C19orf38: variants seen among roughly 807,000 people sequenced by gnomAD.
C19orf38 encodes protein HIDE1.
Under a neutral mutation model 26.6 loss-of-function variants are expected in C19orf38, and 14 were observed. The ratio of observed to expected loss-of-function variants is 0.53; its 90% CI spans 0.35 to 0.82. C19orf38 has a LOEUF of 0.82. C19orf38 is among the 40% of genes least tolerant of loss of function. The probability of loss-of-function intolerance (pLI) is 0.01; values close to 1 mark genes in which losing one functional copy is unlikely to be tolerated. For synonymous variants in C19orf38, 132 were observed against 128.5 expected (o/e 1.03, Z -0.18); for missense variants, 261 against 299.5 (o/e 0.87, Z 0.95).
rs1368797960 is a variant in C19orf38, at chr19:10,857,362, ATATATT to A, written c.434-952_434-947del. Among the ~76,000 whole-genome samples, 347 of 81,522 alleles carry A rather than the reference ATATATT, an allele frequency of 4.3e-3. 1 individual carries two copies. The highest frequency in any genetic ancestry group is 5.4e-3 in the Non-Finnish European group (268 of 49,380). 53.5% of individuals were successfully genotyped at this position (81,522 alleles called of 152,430 possible). ...TACATATATATATATATATATATAT[ATATATT>A]TTTTTTTTTTTTTTTTTAAGATGGA... On this transcript the variant is annotated intron_variant, in intron 3 of 6. Transcript: ENST00000397820.
At chr19:10,859,244 ATGTGTGTGTG>A (rs35791729) in intron 4 of C19orf38, among the ~76,000 whole-genome samples, 1,653 of 119,424 alleles carry the variant, frequency 0.014, 44 homozygotes, top group African/African-American at 0.05. Context: ...GCTTTTATAT[ATGTGTGTGTG>A]TGTGTGTGTG....
At chr19:10,839,608 T>C (rs1280617008) in intron 1 of C19orf38, among the ~76,000 whole-genome samples, 6 of 152,220 alleles carry the variant, frequency 3.9e-5, no homozygotes, top group Non-Finnish European at 8.8e-5. Context: ...TGTCACCATT[T>C]GTATTGAACT....
chr19:10,855,030 C>CTTTTTTTTTTTTT (rs33999724), intron 2 of C19orf38, among the ~76,000 whole-genome samples: 1 of 77,754 alleles, frequency 1.3e-5, no homozygotes, highest in African/African-American at 4.9e-5. Context: ...GATATATATT[C>CTTTTTTTTTTTTT]TTTTTTTTTT....
chr19:10,858,259 T>C, intron 3 of C19orf38, 57 bp from the exon 4 acceptor site: 1 of 559,690 alleles, frequency 1.8e-6, no homozygotes, highest in Non-Finnish European at 2.8e-6. Context: ...AAAACAGAAA[T>C]TGCCGGATAC....
At chr19:10,867,146 C>T (rs1008783517) in intron 6 of C19orf38, among the ~76,000 whole-genome samples, 4 of 151,792 alleles carry the variant, frequency 2.6e-5, no homozygotes, top group Admixed American at 1.3e-4. Flanking sequence ...CCCCGTTGTC[C>T]CTCCCCCAGC....
At position 10,869,346 on chromosome 19, in the gene C19orf38, C is replaced by T. The variant is rs1433701651; in HGVS notation, c.672C>T (p.Ser224=). 17 of 1,550,960 alleles carry T rather than the reference C, an allele frequency of 1.1e-5. No individual in the cohort carries two copies. The highest frequency in any genetic ancestry group is 1.4e-5 in the Non-Finnish European group (16 of 1,146,826). ...TSSSPETPEF[S]TFRACQ is the part of the protein sequence containing the mutation. The stretch of plus-strand genomic sequence containing the variant: ...CCTCGCCTGAGACCCCCGAATTCAG[C>T]ACTTTCCGGGCCTGCCAGTGAGGCT... Residue 224 remains serine, a synonymous_variant, in exon 7 of 7, where the codon AGC becomes AGT. Coordinates refer to ENST00000397820, the MANE Select transcript of C19orf38 (RefSeq NM_001136482.3).
At chr19:10,851,217 C>T (rs1431694592) in intron 2 of C19orf38, among the ~76,000 whole-genome samples, 4 of 152,066 alleles carry the variant, frequency 2.6e-5, no homozygotes, top group Non-Finnish European at 4.4e-5. Flanking sequence ...CCATGCCCGG[C>T]TAATTTTTGT....
Position 10,869,231 on chromosome 19 carries a change from A to C in C19orf38, c.557A>C (p.Glu186Ala). The C allele has an allele frequency of 6.4e-7, 1 of 1,551,588 alleles. No homozygotes were observed. The change falls in exon 7 of 7, where the codon GAA becomes GCA. Residue 186 changes from glutamate (E) to alanine (A), a missense_variant. Transcript: ENST00000397820. ...ACATGGACAAAGAAAACGATGCCAG[A>C]AGAAGACCCGGCCACCTTGGATGAT... ...LFTVSAKTMP[E>A]EDPATLDDHS...
At chr19:10,859,735 G>A (rs2073677378) in intron 4 of C19orf38, among the ~76,000 whole-genome samples, 180 bp from the exon 5 acceptor site, 1 of 152,040 alleles carries the variant, frequency 6.6e-6, no homozygotes. Flanking sequence ...CTGTCCCACA[G>A]TGTGACAGCT....
At chr19:10,842,211 C>T in intron 1 of C19orf38, 1 of 1,368,968 alleles carries the variant, frequency 7.3e-7, no homozygotes, top group South Asian at 1.2e-5. Context: ...TGAAAACTTT[C>T]AGTGATGACT....
At chr19:10,855,541 C>T (rs2073615847) in intron 2 of C19orf38, among the ~76,000 whole-genome samples, 1 of 151,626 alleles carries the variant, frequency 6.6e-6, no homozygotes, top group Non-Finnish European at 1.5e-5. Flanking sequence ...TTGTTTGTTT[C>T]TTTTTGAGAC....
intron 6 of C19orf38, among the ~76,000 whole-genome samples, chr19:10,867,603 G>A (rs567302876): frequency 3.5e-4 from 50 of 144,128 alleles, no homozygotes; most frequent in African/African-American, 1.2e-3. Context: ...GGCAACAAGA[G>A]CGAAACTCCA....
intron 3 of C19orf38, among the ~76,000 whole-genome samples, chr19:10,857,366 A>ATATATATATATTTT (rs1433358051): frequency 1.4e-4 from 8 of 56,080 alleles, no homozygotes; most frequent in African/African-American, 3.4e-4. Context: ...ATATATATAT[A>ATATATATATATTTT]TTTTTTTTTT....
chr19:10,849,274 G>A (rs1327600151), intron 1 of C19orf38, among the ~76,000 whole-genome samples: 1 of 152,036 alleles, frequency 6.6e-6, no homozygotes, highest in Non-Finnish European at 1.5e-5. Context: ...TCCCACCTTG[G>A]CCTCCCAAAG....
At chr19:10,860,979 C>T (rs2073692518) in intron 5 of C19orf38, among the ~76,000 whole-genome samples, 1 of 151,678 alleles carries the variant, frequency 6.6e-6, no homozygotes, top group Non-Finnish European at 1.5e-5. Flanking sequence ...CCTGTCTCTA[C>T]TGAAAATACA....
chr19:10,857,930 G>GAA (rs917568080), intron 3 of C19orf38, among the ~76,000 whole-genome samples: 7 of 135,176 alleles, frequency 5.2e-5, no homozygotes, highest in African/African-American at 1.7e-4. Context: ...AAGAAAGAAA[G>GAA]AAAAATCTGA....
intron 4 of C19orf38, 100 bp downstream of exon 4, chr19:10,858,443 T>TATTACGCAGCATGCCCACCA: frequency 8.6e-7 from 1 of 1,164,486 alleles, no homozygotes; most frequent in Non-Finnish European, 1.2e-6. Flanking sequence ...CAGCGCCTCC[T>TATTACGCAGCATGCCCACCA]GGTGGGCATG....
chr19:10,858,809 C>T (rs961358118), intron 4 of C19orf38, among the ~76,000 whole-genome samples: 2 of 152,076 alleles, frequency 1.3e-5, no homozygotes, highest in Non-Finnish European at 2.9e-5. Flanking sequence ...CCTAACTGGC[C>T]CTGGCCTCAG....
At chr19:10,864,367 C>G (rs138730692) in intron 6 of C19orf38, among the ~76,000 whole-genome samples, 143 of 152,082 alleles carry the variant, frequency 9.4e-4, no homozygotes, top group African/African-American at 3.3e-3. Context: ...GACAGGAGAT[C>G]AGGAAAGTCT....
Sources: allele counts gnomAD v4.1 joint callset (sites outside exome capture counted in the v4.1 genomes callset), GRCh38; gene constraint gnomAD v4.1.1; transcripts MANE v1.5; gene names NCBI Gene and HGNC (gene_info 2026-07-23, HGNC 2026-07-21).